PTPRD: variants seen among roughly 807,000 people sequenced by gnomAD.
PTPRD encodes receptor-type tyrosine-protein phosphatase delta.
A neutral mutation model predicts 214.5 loss-of-function variants in PTPRD; 34 were observed. The ratio of observed to expected loss-of-function variants is 0.16; its 90% CI spans 0.12 to 0.21. PTPRD has a LOEUF of 0.21. PTPRD is among the 10% of genes least tolerant of loss of function. The probability of loss-of-function intolerance (pLI) is 1.00; values close to 1 mark genes in which losing one functional copy is unlikely to be tolerated. For synonymous variants in PTPRD, 1,128 were observed against 845.7 expected (o/e 1.33, Z -5.79); for missense variants, 2,545 against 2,398.7 (o/e 1.06, Z -1.27).
chr9:9,155,263 T>G (rs2099880232), intron 10 of PTPRD, among the ~76,000 whole-genome samples: 1 of 152,220 alleles, frequency 6.6e-6, no homozygotes, highest in African/African-American at 2.4e-5. Context: ...TAAAATTATG[T>G]GTTCCTGTCA....
At chr9:10,369,461 G>C (rs1315298181) in intron 2 of PTPRD, among the ~76,000 whole-genome samples, 1 of 151,984 alleles carries the variant, frequency 6.6e-6, no homozygotes. Context: ...AGACAGCTGA[G>C]TGTATCCATA....
At chr9:10,164,366 T>C (rs1213593796) in intron 3 of PTPRD, among the ~76,000 whole-genome samples, 2 of 151,582 alleles carry the variant, frequency 1.3e-5, no homozygotes, top group Non-Finnish European at 3.0e-5. Context: ...AATTGAACTG[T>C]TTCTAGTCAT....
At chr9:10,166,707 G>T (rs140974170) in intron 3 of PTPRD, among the ~76,000 whole-genome samples, 1 of 151,932 alleles carries the variant, frequency 6.6e-6, no homozygotes, top group African/African-American at 2.4e-5. Context: ...CTTGGAAGTG[G>T]ATAATAATAA....
chr9:8,954,264 G>A (rs2099119402), intron 11 of PTPRD, among the ~76,000 whole-genome samples: 1 of 151,904 alleles, frequency 6.6e-6, no homozygotes, highest in African/African-American at 2.4e-5. Flanking sequence ...AATACTACAT[G>A]TTCTCACTTA....
chr9:8,543,902 G>T (rs554699421), intron 14 of PTPRD, among the ~76,000 whole-genome samples: 1 of 151,928 alleles, frequency 6.6e-6, no homozygotes, highest in East Asian at 1.9e-4. Flanking sequence ...AGTAGAGACG[G>T]GGTTTCACCA....
In PTPRD at chr9:9,825,996, A is replaced by G. The variant is rs141419158; in HGVS notation, c.-367-59145T>C. ...ATGAAATTAGATTATCTTTCAATAC[A>G]TAGCTTCCAATATCAGCAGGAAATT... is the stretch of plus-strand genomic sequence containing the variant. On this transcript the variant is annotated intron_variant, in intron 5 of 45. Transcript: ENST00000381196. 4.1e-3 allele frequency among the ~76,000 whole-genome samples: 626 copies of G among 151,820 alleles called. 3 individuals are homozygous for G. Among genetic ancestry groups the G allele is most frequent in the African/African-American group, 0.014 (567 of 41,512 alleles).
At chr9:9,044,403 G>T (rs981705660) in intron 10 of PTPRD, among the ~76,000 whole-genome samples, 1 of 152,210 alleles carries the variant, frequency 6.6e-6, no homozygotes, top group Non-Finnish European at 1.5e-5. Context: ...CATGCTGCTT[G>T]GGCAGGTCCT....
intron 9 of PTPRD, among the ~76,000 whole-genome samples, chr9:9,259,685 C>G (rs1265848590): frequency 5.9e-5 from 9 of 151,942 alleles, no homozygotes; most frequent in Admixed American, 5.9e-4. Context: ...TAGTGCTTCC[C>G]TCTTTAAGTC....
intron 10 of PTPRD, among the ~76,000 whole-genome samples, chr9:9,046,144 G>T (rs1018717940): frequency 5.3e-5 from 8 of 152,164 alleles, no homozygotes; most frequent in African/African-American, 1.9e-4. Flanking sequence ...AAAGAAGGTG[G>T]AAGTCACTTG....
intron 11 of PTPRD, among the ~76,000 whole-genome samples, chr9:8,938,579 C>G (rs10511513): frequency 0.14 from 21,692 of 151,942 alleles, 1,659 homozygotes; most frequent in South Asian, 0.19. Context: ...TTCACACCTC[C>G]TCATAATTGC....
At chr9:10,230,226 A>G (rs2099603921) in intron 3 of PTPRD, among the ~76,000 whole-genome samples, 1 of 152,032 alleles carries the variant, frequency 6.6e-6, no homozygotes, top group Admixed American at 6.6e-5. Flanking sequence ...AATCAATCCT[A>G]CCAACATCTT....
rs114641537 is a variant in PTPRD, at chr9:8,543,163, G to A, written c.353-14384C>T. Among the ~76,000 whole-genome samples, 189 of 152,272 alleles carry A rather than the reference G, an allele frequency of 1.2e-3. 1 individual carries two copies. The highest frequency in any genetic ancestry group is 4.2e-3 in the African/African-American group (173 of 41,550). Reference sequence around the variant, plus strand: ...CAATGATAAGATGATACTCAGAAGCGATGTAATAAAACCTTTTTCTTACAT... The same window carrying A: ...CAATGATAAGATGATACTCAGAAGCAATGTAATAAAACCTTTTTCTTACAT... On this transcript the variant is annotated intron_variant, in intron 14 of 45. Transcript: ENST00000381196.
chr9:9,268,300 TTAAC>T (rs1275498534), intron 9 of PTPRD, among the ~76,000 whole-genome samples: 4 of 150,946 alleles, frequency 2.6e-5, no homozygotes, highest in South Asian at 2.1e-4. Flanking sequence ...ACGAATTAAT[TTAAC>T]TAGGGAGGTA....
At chr9:8,721,805 T>A (rs2098502264) in intron 12 of PTPRD, among the ~76,000 whole-genome samples, 1 of 152,214 alleles carries the variant, frequency 6.6e-6, no homozygotes, top group African/African-American at 2.4e-5. Context: ...CACAGCTGAT[T>A]TCAAGAGCTT....
chr9:8,794,787 AT>A (rs1202320157), intron 11 of PTPRD, among the ~76,000 whole-genome samples: 2 of 152,110 alleles, frequency 1.3e-5, no homozygotes, highest in East Asian at 3.9e-4. Flanking sequence ...GGAGTAAGTT[AT>A]TTTAGATAAT....
chr9:8,904,104 G>C (rs1271406359), intron 11 of PTPRD, among the ~76,000 whole-genome samples: 1 of 152,124 alleles, frequency 6.6e-6, no homozygotes, highest in African/African-American at 2.4e-5. Context: ...CACCAATTGT[G>C]AATAATTTGC....
At chr9:9,779,742 T>G (rs2154488831) in intron 5 of PTPRD, among the ~76,000 whole-genome samples, 1 of 152,302 alleles carries the variant, frequency 6.6e-6, no homozygotes, top group African/African-American at 2.4e-5. Flanking sequence ...GAGCACCAAC[T>G]TATATTCCTA....
chr9:9,677,616 T>G (rs997606295), intron 7 of PTPRD, among the ~76,000 whole-genome samples: 3 of 152,066 alleles, frequency 2.0e-5, no homozygotes, highest in Non-Finnish European at 4.4e-5. Context: ...AGTATCATAC[T>G]GAATGGACAA....
intron 9 of PTPRD, among the ~76,000 whole-genome samples, chr9:9,360,736 G>C (rs1262942609): frequency 6.6e-6 from 1 of 151,002 alleles, no homozygotes; most frequent in Non-Finnish European, 1.5e-5. Flanking sequence ...ATAAATAATG[G>C]TAAATTCCTG....
Sources: allele counts gnomAD v4.1 joint callset (sites outside exome capture counted in the v4.1 genomes callset), GRCh38; gene constraint gnomAD v4.1.1; transcripts MANE v1.5; gene names NCBI Gene and HGNC (gene_info 2026-07-23, HGNC 2026-07-21).